The following MARCHF3 variants were observed in gnomAD, a reference collection of about 807,000 sequenced individuals.
MARCHF3 encodes membrane associated ring-CH-type finger 3.
Under a neutral mutation model 24.2 loss-of-function variants are expected in MARCHF3, and 13 were observed. The ratio of observed to expected loss-of-function variants is 0.54; its 90% CI spans 0.35 to 0.85. The LOEUF is 0.85. Among genes scored for constraint, MARCHF3 ranks in the 40% least tolerant of loss-of-function variants. The probability of loss-of-function intolerance (pLI) is 0.01; values close to 1 mark genes in which losing one functional copy is unlikely to be tolerated. For missense variants in MARCHF3, 276 were observed against 325.0 expected (o/e 0.85, Z 1.16); for synonymous variants, 144 against 137.3 (o/e 1.05, Z -0.34).
At position 126,925,032 on chromosome 5, in the gene MARCHF3, C is replaced by T. The variant is rs1749243996; in HGVS notation, c.-56-6805G>A. 2.0e-5 allele frequency among the ~76,000 whole-genome samples: 3 copies of T among 152,142 alleles called. No homozygotes were observed. In the South Asian group the frequency reaches 6.2e-4, roughly 32 times the overall value. ...ATGAGTCTGCAGAGTGAAACACTGG[C>T]CAGCCCAATGAATTTTAAAAAATAC... On this transcript the variant is annotated intron_variant, in intron 1 of 4. Coordinates refer to ENST00000308660, the MANE Select transcript of MARCHF3 (RefSeq NM_178450.5).
chr5:126,870,942 G>A (rs1173099165), intron 4 of MARCHF3, 151 bp from the exon 5 acceptor site: 18 of 1,089,398 alleles, frequency 1.7e-5, no homozygotes, highest in South Asian at 6.6e-5. Context: ...GCTCTGGCAC[G>A]CAGTGAGTGT....
intron 3 of MARCHF3, among the ~76,000 whole-genome samples, chr5:126,902,848 C>T (rs1261189105): frequency 6.6e-6 from 1 of 152,094 alleles, no homozygotes; most frequent in African/African-American, 2.4e-5. Flanking sequence ...AATGTCATCT[C>T]CACTGCTGGC....
intron 1 of MARCHF3, among the ~76,000 whole-genome samples, chr5:126,956,456 A>G (rs1041271885): frequency 2.6e-5 from 4 of 151,866 alleles, no homozygotes; most frequent in African/African-American, 9.7e-5. Context: ...CTGAAAATAC[A>G]GTGAAACTCT....
At chr5:126,980,231 G>A (rs1751349119) in intron 1 of MARCHF3, among the ~76,000 whole-genome samples, 1 of 152,148 alleles carries the variant, frequency 6.6e-6, no homozygotes, top group Non-Finnish European at 1.5e-5. Context: ...GTGAACTGGG[G>A]CAGCCATGTG....
intron 1 of MARCHF3, among the ~76,000 whole-genome samples, chr5:126,953,299 T>A (rs896959667): frequency 1.3e-5 from 2 of 152,312 alleles, no homozygotes; most frequent in South Asian, 4.1e-4. Flanking sequence ...TCAAACTTCA[T>A]GTTGTAATTC....
intron 1 of MARCHF3, among the ~76,000 whole-genome samples, chr5:126,931,695 C>T (rs1303977787): frequency 6.6e-6 from 1 of 151,828 alleles, no homozygotes; most frequent in East Asian, 1.9e-4. Context: ...CCAGTGACTA[C>T]TAAAGTATAA....
chr5:127,007,211 C>T (rs776016512), intron 1 of MARCHF3, among the ~76,000 whole-genome samples: 14 of 151,904 alleles, frequency 9.2e-5, no homozygotes, highest in Non-Finnish European at 1.8e-4. Flanking sequence ...TTCTATAATT[C>T]CTTCCACAGC....
intron 3 of MARCHF3, among the ~76,000 whole-genome samples, chr5:126,907,029 G>T (rs1437172560): frequency 6.6e-6 from 1 of 151,800 alleles, no homozygotes; most frequent in African/African-American, 2.4e-5. Flanking sequence ...CTTTGTTGTC[G>T]TTGGTTTCAA....
chr5:126,957,362 A>T (rs17592613), intron 1 of MARCHF3, among the ~76,000 whole-genome samples: 3,848 of 152,294 alleles, frequency 0.025, 72 homozygotes, highest in South Asian at 0.037. Flanking sequence ...TTTGACACAT[A>T]AGCTTTAGAA....
intron 1 of MARCHF3, among the ~76,000 whole-genome samples, chr5:127,002,299 G>GT (rs1275045001): frequency 1.3e-5 from 2 of 152,248 alleles, no homozygotes; most frequent in African/African-American, 4.8e-5. Context: ...AGAGATGAGG[G>GT]TTTTTTACAA....
intron 1 of MARCHF3, among the ~76,000 whole-genome samples, chr5:126,962,009 C>A (rs1750652525): frequency 6.6e-6 from 1 of 152,182 alleles, no homozygotes; most frequent in Non-Finnish European, 1.5e-5. Flanking sequence ...GTTACCCATT[C>A]ACAGTGTAAA....
At chr5:126,925,591 T>C (rs1749266448) in intron 1 of MARCHF3, among the ~76,000 whole-genome samples, 1 of 152,170 alleles carries the variant, frequency 6.6e-6, no homozygotes, top group East Asian at 1.9e-4. Context: ...AAAATGGCAA[T>C]TAAAAATCCC....
intron 1 of MARCHF3, among the ~76,000 whole-genome samples, chr5:126,975,995 C>A (rs1751182651): frequency 6.6e-6 from 1 of 152,182 alleles, no homozygotes; most frequent in Non-Finnish European, 1.5e-5. Context: ...GTTCCTGTCT[C>A]TCTTTTGTGG....
At chr5:126,916,826 G>A (rs1341372591) in intron 2 of MARCHF3, among the ~76,000 whole-genome samples, 1 of 152,014 alleles carries the variant, frequency 6.6e-6, no homozygotes, top group Non-Finnish European at 1.5e-5. Flanking sequence ...GGGCACATCA[G>A]TCACCCAGTC....
At chr5:126,982,015 T>C (rs904139369) in intron 1 of MARCHF3, among the ~76,000 whole-genome samples, 2 of 152,226 alleles carry the variant, frequency 1.3e-5, no homozygotes, top group African/African-American at 2.4e-5. Flanking sequence ...GTTAACTTGA[T>C]AGATTGTGCC....
intron 4 of MARCHF3, among the ~76,000 whole-genome samples, chr5:126,876,196 C>T (rs1268020625): frequency 6.6e-6 from 1 of 152,108 alleles, no homozygotes; most frequent in East Asian, 1.9e-4. Flanking sequence ...CACCTATCAC[C>T]CTGTTTCTTT....
At chr5:126,899,046 T>C (rs1754019283) in intron 3 of MARCHF3, 1 of 985,194 alleles carries the variant, frequency 1.0e-6, no homozygotes, top group Non-Finnish European at 1.2e-6. Context: ...TTCTCACATA[T>C]CCATCACAGT....
intron 1 of MARCHF3, among the ~76,000 whole-genome samples, chr5:126,950,119 T>TA (rs1360098051): frequency 6.6e-6 from 1 of 152,176 alleles, no homozygotes; most frequent in African/African-American, 2.4e-5. Context: ...TGACCCAGTT[T>TA]AAACAAGTGG....
intron 1 of MARCHF3, among the ~76,000 whole-genome samples, chr5:127,010,652 T>A (rs73786298): frequency 0.052 from 7,846 of 152,302 alleles, 373 homozygotes; most frequent in South Asian, 0.14. Flanking sequence ...AAATCTATGC[T>A]CTGTATTTAA....
Sources: allele counts gnomAD v4.1 joint callset (sites outside exome capture counted in the v4.1 genomes callset), GRCh38; gene constraint gnomAD v4.1.1; transcripts MANE v1.5; gene names NCBI Gene and HGNC (gene_info 2026-07-23, HGNC 2026-07-21).